The following CACNA1I variants were observed in gnomAD, a reference collection of about 807,000 sequenced individuals.
CACNA1I encodes calcium voltage-gated channel subunit alpha1 I.
In CACNA1I, 74 loss-of-function variants were observed where a neutral mutation model predicts 201.6. That is an observed-to-expected ratio of 0.37 (90% CI 0.30 to 0.45). The LOEUF is 0.45. Ranked by LOEUF, CACNA1I falls within the 20% of genes least tolerant of loss-of-function variation. The pLI is 1.00. For missense variants in CACNA1I, 2,346 were observed against 3,138.1 expected (o/e 0.75, Z 6.03); for synonymous variants, 1,431 against 1,345.2 (o/e 1.06, Z -1.40).
At chr22:39,647,031 C>A in intron 8 of CACNA1I, 150 bp downstream of exon 8, 1 of 1,276,290 alleles carries the variant, frequency 7.8e-7, no homozygotes, top group Non-Finnish European at 1.0e-6. Context: ...GGACCTCTGT[C>A]CCCACCTCTG....
At position 39,662,236 on chromosome 22, in the gene CACNA1I, C is replaced by A; in HGVS notation, c.3173C>A (p.Ser1058Tyr). The change falls in exon 17 of 37, where the codon TCC becomes TAC. Residue 1058 changes from serine to tyrosine, a missense_variant. Physicochemically the swap from Ser to Tyr is moderately radical, Grantham distance 144. Around this residue, in one of 13 missense-constraint regions of CACNA1I, gnomAD observed 288 missense variants for 255.2 expected, o/e 1.13. Coordinates refer to ENST00000402142, the MANE Select transcript of CACNA1I (RefSeq NM_021096.4). ...CACCGCCACCACCGCCGGACGCTGT[C>A]CCTCGACAACAGGGACTCGGTGGAC... The part of the protein sequence containing the change: ...HRHRHHRRTL[S>Y]LDNRDSVDLA... 6.5e-7 allele frequency: 1 copy of A among 1,529,128 alleles called. No homozygotes were observed. Among genetic ancestry groups the A allele is most frequent in the Non-Finnish European group, 8.8e-7 (1 of 1,142,316 alleles). The allele number at this position is 1,529,128 out of a possible 1,614,324, so 94.7% of individuals were successfully genotyped here.
rs1020751280 is a variant in CACNA1I, at chr22:39,687,648, CCT to C, written c.*1244_*1245del. 6.6e-6 allele frequency: 1 copy of C among 152,320 alleles called. No individual in the cohort carries two copies. Among genetic ancestry groups the C allele is most frequent in the African/African-American group, 2.4e-5 (1 of 41,442 alleles). 9.4% of individuals were successfully genotyped at this position (152,320 alleles called of 1,614,324 possible). ...CATCTTCCCACCCCACCTGCCAGCC[CCT>C]GTCTCTCCTCCCCGCTGCCCCTAAC... is the stretch of plus-strand genomic sequence containing the variant. On this transcript the variant is annotated 3_prime_UTR_variant, in exon 37 of 37. Transcript: ENST00000402142.
chr22:39,612,100 C>G (rs1235496476), intron 3 of CACNA1I, among the ~76,000 whole-genome samples: 3 of 152,124 alleles, frequency 2.0e-5, no homozygotes, highest in Non-Finnish European at 2.9e-5. Context: ...CATGAGGACT[C>G]AGCCCTCGTG....
At chr22:39,631,716 C>T (rs917070529) in intron 4 of CACNA1I, among the ~76,000 whole-genome samples, 3 of 152,220 alleles carry the variant, frequency 2.0e-5, no homozygotes, top group Admixed American at 6.5e-5. Context: ...CTGCTTTTCT[C>T]TCTTCTCTCC....
In CACNA1I at chr22:39,679,763, C is replaced by T. The variant is rs761839514; in HGVS notation, c.5436C>T (p.Asp1812=). The change falls in exon 33 of 37, where the codon GAC becomes GAT. Residue 1812 remains aspartate (D), a synonymous_variant. Transcript: ENST00000402142. ...WLDSVSLIIK[D]SLEGELTIID... is the part of the protein sequence containing the mutation. ...ACAGCGTCTCTTTAATCATCAAGGA[C>T]TCCTTGGAGGGGGAGCTGACCATCA... 3.7e-6 allele frequency: 6 copies of T among 1,612,976 alleles called. No homozygotes were observed. The South Asian group carries it at 4.4e-5, about 12-fold the overall frequency.
At chr22:39,675,670 C>T (rs753381209) in intron 29 of CACNA1I, among the ~76,000 whole-genome samples, 16 of 152,212 alleles carry the variant, frequency 1.1e-4, no homozygotes, top group Non-Finnish European at 2.1e-4. Flanking sequence ...AAACTTCAGC[C>T]TCTTCCCACC....
At chr22:39,657,539 C>G (rs138816597) in intron 10 of CACNA1I, among the ~76,000 whole-genome samples, 4 of 152,284 alleles carry the variant, frequency 2.6e-5, no homozygotes, top group South Asian at 2.1e-4. Flanking sequence ...TCTGCATGGG[C>G]GGGGGTTAAG....
intron 3 of CACNA1I, among the ~76,000 whole-genome samples, chr22:39,605,802 T>C (rs1216474726): frequency 4.0e-5 from 6 of 151,626 alleles, no homozygotes; most frequent in Non-Finnish European, 8.8e-5. Flanking sequence ...GAAAGGGAGT[T>C]TCAGGCAGCG....
intron 24 of CACNA1I, among the ~76,000 whole-genome samples, chr22:39,669,147 A>G (rs1935288756): frequency 6.6e-6 from 1 of 152,104 alleles, no homozygotes; most frequent in South Asian, 2.1e-4. Context: ...AGAAACAGAA[A>G]GATTCTCTAG....
At chr22:39,651,714 G>C (rs1025426330) in intron 10 of CACNA1I, among the ~76,000 whole-genome samples, 10 of 152,236 alleles carry the variant, frequency 6.6e-5, no homozygotes, top group African/African-American at 2.4e-4. Context: ...GCTGGAGCCA[G>C]CTGGTGAGGG....
At chr22:39,590,354 G>A (rs1932807123) in intron 1 of CACNA1I, among the ~76,000 whole-genome samples, 1 of 152,148 alleles carries the variant, frequency 6.6e-6, no homozygotes, top group African/African-American at 2.4e-5. Flanking sequence ...CCTTCTTCCT[G>A]CAGGTAGAGC....
rs747381590 is a variant in CACNA1I, at chr22:39,660,419, G to T, written c.2680G>T (p.Gly894Cys). The part of the protein sequence containing the change: ...NIEEFDKLQE[G>C]LDSSGDPKLC... ...AGAAGAGTTTGATAAGCTCCAGGAAGGCCTGGACAGCAGCGGAGGTAAACA... is the reference window on the plus strand; with the variant it reads ...AGAAGAGTTTGATAAGCTCCAGGAATGCCTGGACAGCAGCGGAGGTAAACA... The change falls in exon 15 of 37, where the codon GGC becomes TGC. Residue 894 changes from glycine to cysteine, a missense_variant. By Grantham distance (159) the Gly-to-Cys change is radical. Transcript: ENST00000402142. 1 of 1,611,982 alleles carries T rather than the reference G, an allele frequency of 6.2e-7. No individual in the cohort carries two copies. The highest frequency in any genetic ancestry group is 8.5e-7 in the Non-Finnish European group (1 of 1,179,268).
chr22:39,656,917 C>G (rs1325446704), intron 10 of CACNA1I, among the ~76,000 whole-genome samples: 1 of 152,190 alleles, frequency 6.6e-6, no homozygotes, highest in Non-Finnish European at 1.5e-5. Flanking sequence ...GACCTGGCAC[C>G]ACAGTGAGCA....
At position 39,668,357 on chromosome 22, in the gene CACNA1I, G is replaced by A; in HGVS notation, c.4170G>A (p.Leu1390=). Residue 1390 remains leucine, a synonymous_variant, in exon 24 of 37, where the codon CTG becomes CTA. Transcript: ENST00000402142. ...GGGTGAACATCATGTACAATGGACT[G>A]GATGCTGTTGCTGTGGACCAGCAGG... is the stretch of plus-strand genomic sequence containing the variant. ...DGWVNIMYNG[L]DAVAVDQQPV... 2 of 1,613,078 alleles carry A rather than the reference G, an allele frequency of 1.2e-6. No homozygotes were observed. Among genetic ancestry groups the A allele is most frequent in the Non-Finnish European group, 8.5e-7 (1 of 1,179,148 alleles).
At chr22:39,603,005 G>A (rs1422288686) in intron 3 of CACNA1I, among the ~76,000 whole-genome samples, 1 of 152,030 alleles carries the variant, frequency 6.6e-6, no homozygotes, top group Non-Finnish European at 1.5e-5. Context: ...TAAAAAATTA[G>A]CCAGGTGTTT....
intron 5 of CACNA1I, among the ~76,000 whole-genome samples, chr22:39,639,776 C>T (rs1934307842): frequency 6.6e-6 from 1 of 152,154 alleles, no homozygotes; most frequent in Non-Finnish European, 1.5e-5. Flanking sequence ...ATACTAAGTT[C>T]TCCTTTGTAC....
In CACNA1I at chr22:39,670,054, A is replaced by G; in HGVS notation, c.4211A>G (p.Asn1404Ser). The change falls in exon 25 of 37, where the codon AAC becomes AGC. Residue 1404 changes from asparagine to serine, a missense_variant. By Grantham distance (46) the Asn-to-Ser change is conservative (BLOSUM62 1). Transcript: ENST00000402142. ...AVDQQPVTNH[N>S]PWMLLYFISF... is the part of the protein sequence containing the mutation. The stretch of plus-strand genomic sequence containing the variant: ...CCCCTGCAGCCTGTGACCAACCACA[A>G]CCCCTGGATGCTGCTGTACTTCATC... 6.2e-7 allele frequency: 1 copy of G among 1,612,190 alleles called. No individual in the cohort carries two copies. Among genetic ancestry groups the G allele is most frequent in the Non-Finnish European group, 8.5e-7 (1 of 1,179,818 alleles).
chr22:39,601,809 C>G (rs1243727316), intron 3 of CACNA1I, among the ~76,000 whole-genome samples: 1 of 150,664 alleles, frequency 6.6e-6, no homozygotes, highest in Non-Finnish European at 1.5e-5. Flanking sequence ...AGCTTGCTTG[C>G]TCTCTCGCTT....
chr22:39,655,045 G>C (rs1934770046), intron 10 of CACNA1I, among the ~76,000 whole-genome samples: 1 of 152,140 alleles, frequency 6.6e-6, no homozygotes, highest in Admixed American at 6.5e-5. Context: ...GAAGACCTAG[G>C]GTTGAGATCT....
Sources: allele counts gnomAD v4.1 joint callset (sites outside exome capture counted in the v4.1 genomes callset), GRCh38; gene constraint gnomAD v4.1.1; regional missense constraint gnomAD v4.1.1; transcripts MANE v1.5; gene names NCBI Gene and HGNC (gene_info 2026-07-23, HGNC 2026-07-21).